THSD7B: variants seen among roughly 807,000 people sequenced by gnomAD.
THSD7B encodes thrombospondin type 1 domain containing 7B.
Under a neutral mutation model 213.6 loss-of-function variants are expected in THSD7B, and 138 were observed. The ratio of observed to expected loss-of-function variants is 0.65; its 90% CI spans 0.56 to 0.74. The LOEUF (loss-of-function observed/expected upper bound fraction) is 0.74, where lower values mean the gene tolerates loss of function less well. THSD7B is among the 30% of genes least tolerant of loss of function. The pLI, the probability that THSD7B is intolerant of heterozygous loss-of-function variation, is 0.00. For synonymous variants in THSD7B, 742 were observed against 687.0 expected, an observed-to-expected ratio of 1.08 and a Z score of -1.25; for missense variants, 1,931 against 1,991.5, an observed-to-expected ratio of 0.97 and a Z score of 0.58.
At chr2:137,511,853 C>G (rs1391900452) in intron 15 of THSD7B, among the ~76,000 whole-genome samples, 1 of 152,112 alleles carries the variant, frequency 6.6e-6, no homozygotes, top group Admixed American at 6.5e-5. Context: ...TTTTACATTT[C>G]CCTAACTTCC....
intron 7 of THSD7B, among the ~76,000 whole-genome samples, chr2:137,172,712 A>C (rs906152311): frequency 6.6e-6 from 1 of 152,208 alleles, no homozygotes; most frequent in African/African-American, 2.4e-5. Context: ...CCCGATGTAT[A>C]ACCATGGGTC....
intron 1 of THSD7B, among the ~76,000 whole-genome samples, chr2:136,842,394 G>T (rs1682934014): frequency 6.6e-6 from 1 of 151,958 alleles, no homozygotes; most frequent in Non-Finnish European, 1.5e-5. Context: ...CCATTATGAG[G>T]GTCAAAGACA....
At chr2:136,867,962 G>T (rs1402712864) in intron 1 of THSD7B, among the ~76,000 whole-genome samples, 1 of 152,144 alleles carries the variant, frequency 6.6e-6, no homozygotes, top group Middle Eastern at 3.2e-3. Flanking sequence ...GTCTGTTTCT[G>T]TGAAATTGGA....
intron 21 of THSD7B, among the ~76,000 whole-genome samples, chr2:137,645,681 A>G (rs1683017255): frequency 6.6e-6 from 1 of 152,188 alleles, no homozygotes; most frequent in Non-Finnish European, 1.5e-5. Context: ...GTAAAAAAAA[A>G]AAAAACCACT....
chr2:137,577,564 C>T (rs1681489492), intron 17 of THSD7B, among the ~76,000 whole-genome samples: 1 of 152,008 alleles, frequency 6.6e-6, no homozygotes, highest in African/African-American at 2.4e-5. Flanking sequence ...TTATAAAAAA[C>T]ATTATGATGG....
chr2:137,360,115 A>T (rs547466367), intron 12 of THSD7B, among the ~76,000 whole-genome samples: 2 of 152,348 alleles, frequency 1.3e-5, no homozygotes, highest in Admixed American at 6.5e-5. Context: ...AACTTTTTTA[A>T]TGAATGTAAC....
chr2:137,266,932 G>A (rs564383098), intron 10 of THSD7B, among the ~76,000 whole-genome samples: 1 of 152,180 alleles, frequency 6.6e-6, no homozygotes, highest in African/African-American at 2.4e-5. Flanking sequence ...CTGACATCAG[G>A]GCTCAGCATT....
Position 136,833,651 on chromosome 2 carries a change from A to G in THSD7B, c.-35-48493A>G, listed in dbSNP as rs541413163. Among the ~76,000 whole-genome samples, 4 of 152,232 alleles carry G rather than the reference A, an allele frequency of 2.6e-5. No homozygotes were observed. The East Asian group carries it at 7.7e-4, about 29-fold the overall frequency. On this transcript the variant is annotated intron_variant, in intron 1 of 27. Coordinates refer to ENST00000409968, the MANE Select transcript of THSD7B (RefSeq NM_001316349.2). ...ATTCAAAGTCACATTTCTGACAACT[A>G]CTGATTTGGAGCCTAGTTTATAGAA...
intron 16 of THSD7B, among the ~76,000 whole-genome samples, chr2:137,565,543 T>C (rs1681218248): frequency 6.6e-6 from 1 of 152,168 alleles, no homozygotes; most frequent in African/African-American, 2.4e-5. Context: ...CCTTCAAGAC[T>C]CAATTGCATC....
intron 25 of THSD7B, among the ~76,000 whole-genome samples, chr2:137,662,945 A>T (rs1293609483): frequency 6.6e-6 from 1 of 151,982 alleles, no homozygotes; most frequent in Non-Finnish European, 1.5e-5. Flanking sequence ...GGTGCCTATA[A>T]TCCCAGCTAC....
chr2:137,259,135 G>A (rs975711989), intron 10 of THSD7B, among the ~76,000 whole-genome samples: 3 of 152,170 alleles, frequency 2.0e-5, no homozygotes, highest in African/African-American at 7.2e-5. Context: ...AAATAGTGCT[G>A]CAATAAACAT....
chr2:137,211,344 A>ACACACACACACACACAGAGG (rs1681103190), intron 7 of THSD7B, among the ~76,000 whole-genome samples: 2 of 119,450 alleles, frequency 1.7e-5, no homozygotes, highest in African/African-American at 5.6e-5. Context: ...ACACACACAC[A>ACACACACACACACACAGAGG]CACACACACA....
chr2:137,473,551 C>T (rs950915360), intron 15 of THSD7B, among the ~76,000 whole-genome samples: 21 of 152,144 alleles, frequency 1.4e-4, no homozygotes, highest in African/African-American at 4.6e-4. Flanking sequence ...TCCTTCATAT[C>T]AAGAGAACTC....
At chr2:137,325,575 TCACAGACACACACACA>T (rs1658290922) in intron 12 of THSD7B, among the ~76,000 whole-genome samples, 1 of 151,924 alleles carries the variant, frequency 6.6e-6, no homozygotes, top group African/African-American at 2.4e-5. Context: ...ATGAGATAAC[TCACAGACACACACACA>T]CACAGACACA....
At chr2:137,457,759 A>G (rs952562093) in intron 15 of THSD7B, among the ~76,000 whole-genome samples, 1 of 152,216 alleles carries the variant, frequency 6.6e-6, no homozygotes, top group African/African-American at 2.4e-5. Flanking sequence ...TGAAAGAATA[A>G]GAATCTGACT....
At chr2:137,368,764 G>A (rs1196406714) in intron 12 of THSD7B, among the ~76,000 whole-genome samples, 1 of 151,984 alleles carries the variant, frequency 6.6e-6, no homozygotes, top group Non-Finnish European at 1.5e-5. Flanking sequence ...TTGAATTTTA[G>A]CCTTATCCTG....
intron 7 of THSD7B, among the ~76,000 whole-genome samples, chr2:137,205,578 T>C (rs1680968645): frequency 6.6e-6 from 1 of 152,068 alleles, no homozygotes; most frequent in African/African-American, 2.4e-5. Context: ...CTATTATTTC[T>C]GTTAAGTAGA....
At chr2:137,300,838 G>A (rs1683581481) in intron 12 of THSD7B, among the ~76,000 whole-genome samples, 1 of 152,088 alleles carries the variant, frequency 6.6e-6, no homozygotes, top group South Asian at 2.1e-4. Context: ...CAAAAAGATG[G>A]AAAGAACTCG....
At chr2:136,862,241 C>A (rs1683267485) in intron 1 of THSD7B, among the ~76,000 whole-genome samples, 1 of 152,126 alleles carries the variant, frequency 6.6e-6, no homozygotes, top group Admixed American at 6.5e-5. Context: ...TGTCCTGTGG[C>A]CTCCCATGAC....
Sources: gnomAD v4.1 joint callset for allele counts (sites outside exome capture counted in the v4.1 genomes callset) on GRCh38, gnomAD v4.1.1 for gene constraint, MANE v1.5 for transcripts, NCBI Gene and HGNC (gene_info 2026-07-23, HGNC 2026-07-21) for gene names.